Variants in MUC5B observed in about 807,000 individuals in gnomAD.
MUC5B encodes mucin-5B.
MUC5B carries 116 observed loss-of-function variants against 376.9 expected under a neutral mutation model. The observed-to-expected ratio is 0.31, with a 90% CI of 0.26 to 0.36. MUC5B has a LOEUF of 0.36. Among genes scored for constraint, MUC5B ranks in the 10% least tolerant of loss-of-function variants. MUC5B has a pLI of 1.00. For synonymous variants in MUC5B, 3,517 were observed against 3,390.9 expected, an observed-to-expected ratio of 1.04 and a Z score of -1.29; for missense variants, 7,165 against 7,769.9, an observed-to-expected ratio of 0.92 and a Z score of 2.93.
rs1224330883 is a variant in MUC5B, at chr11:1,257,315, A to C, written c.16269+44A>C. 4 of 790,366 alleles carry C rather than the reference A, an allele frequency of 5.1e-6. No homozygotes were observed. The South Asian group carries it at 5.4e-5, about 11-fold the overall frequency. The allele number at this position is 790,366 out of a possible 1,614,324, so 49.0% of individuals were successfully genotyped here. ...ACCTGCCCTACCCCACCCTCTCGCG[A>C]GCTGAGGGAGGGAGGGAAGGAGCAT... is the stretch of plus-strand genomic sequence containing the variant. On this transcript the variant is annotated intron_variant, in intron 40 of 48. Coordinates refer to ENST00000529681, the MANE Select transcript of MUC5B (RefSeq NM_002458.3). The surrounding 1 kb of genome is among the most constrained non-coding windows in gnomAD (Gnocchi z 8.9).
At position 1,253,149 on chromosome 11, in the gene MUC5B, G is replaced by T; in HGVS notation, c.15217+169G>T. ...AGTGGGGCATGGTGGGGCATGGTGG[G>T]GTGTGGTGGTGGTGTTTGGGAGATC... On this transcript the variant is annotated intron_variant, in intron 33 of 48. Coordinates refer to ENST00000529681, the MANE Select transcript of MUC5B (RefSeq NM_002458.3). This position sits in a 1 kb window ranked among gnomAD's most constrained non-coding sequence, Gnocchi z 4.3. 1 of 770,660 alleles carries T rather than the reference G, an allele frequency of 1.3e-6. No individual in the cohort carries two copies. Among genetic ancestry groups the T allele is most frequent in the Non-Finnish European group, 2.1e-6 (1 of 469,474 alleles). 47.7% of individuals were successfully genotyped at this position (770,660 alleles called of 1,614,324 possible).
chr11:1,257,134 T>C lies in MUC5B; in HGVS notation c.16238-106T>C, dbSNP rs1862858970. 1.3e-6 allele frequency: 1 copy of C among 752,660 alleles called. No homozygotes were observed. The highest frequency in any genetic ancestry group is 1.8e-5 in the Admixed American group (1 of 55,286). 46.6% of individuals were successfully genotyped at this position (752,660 alleles called of 1,614,324 possible). On this transcript the variant is annotated intron_variant, in intron 39 of 48. Transcript: ENST00000529681. The surrounding 1 kb of genome is among the most constrained non-coding windows in gnomAD (Gnocchi z 8.9). ...CCCAAAAGTTCTCCAGGGCCTTCCA[T>C]CCCGGGGGGAAGCAGGCTCCAGGCC...
chr11:1,257,847 C>G lies in MUC5B; in HGVS notation c.16450+137C>G, dbSNP rs371800081. ...CTGGCGTGACCGCGGCAGGACCACT[C>G]GGCAGAGATGGCCTCCAGGTGCTTC... is the stretch of plus-strand genomic sequence containing the variant. On this transcript the variant is annotated intron_variant, in intron 41 of 48. Transcript: ENST00000529681. The surrounding 1 kb of genome is among the most constrained non-coding windows in gnomAD (Gnocchi z 8.9). 8.9e-5 allele frequency: 99 copies of G among 1,107,408 alleles called. No homozygotes were observed. The African/African-American group carries it at 1.3e-3, about 14-fold the overall frequency. 68.6% of individuals were successfully genotyped at this position (1,107,408 alleles called of 1,614,324 possible).
intron 22 of MUC5B, 21 bp from the exon 23 acceptor site, chr11:1,235,282 G>T (rs1392134173): frequency 6.2e-7 from 1 of 1,610,716 alleles, no homozygotes; most frequent in Non-Finnish European, 8.5e-7. Flanking sequence ...GCGGCCAGCA[G>T]CTTGTCTCTT....
At chr11:1,235,024 G>C in intron 21 of MUC5B, 61 bp from the exon 22 acceptor site, 3 of 1,554,304 alleles carry the variant, frequency 1.9e-6, no homozygotes, top group Non-Finnish European at 2.6e-6. Context: ...CTGGGTGCCG[G>C]GTCTCAGGAA....
In MUC5B at chr11:1,246,335, C is replaced by A. The variant is rs758430361; in HGVS notation, c.9455C>A (p.Ala3152Asp). The change falls in exon 31 of 49, where the codon GCC becomes GAC. Residue 3152 changes from alanine (A) to aspartate (D), a missense_variant. Transcript: ENST00000529681. ...ACAACTGCAGCCACTGGCCCCACGG[C>A]CACCCCGTCCTCCACCCCAGGGACC... ...ATTTAATGPT[A>D]TPSSTPGTTW... The A allele has an allele frequency of 1.2e-6, 2 of 1,602,766 alleles. No homozygotes were observed.
rs1862132627 is a variant in MUC5B, at chr11:1,235,338, C to T, written c.2805C>T (p.Phe935=). ...YCGDNTTHGT[F]RIVTENIPCG... ...GGGACAACACCACCCACGGGACCTT[C>T]CGCATCGTCACCGAGAACATCCCCT... Residue 935 remains phenylalanine, a synonymous_variant, in exon 23 of 49, where the codon TTC becomes TTT. Transcript: ENST00000529681. 2.5e-6 allele frequency: 4 copies of T among 1,612,976 alleles called. No individual in the cohort carries two copies. The East Asian group carries it at 8.9e-5, about 36-fold the overall frequency.
Position 1,251,717 on chromosome 11 carries a change from G to A in MUC5B, c.14837G>A (p.Arg4946Lys). 6.2e-7 allele frequency: 1 copy of A among 1,608,768 alleles called. No individual in the cohort carries two copies. The highest frequency in any genetic ancestry group is 8.5e-7 in the Non-Finnish European group (1 of 1,177,112). ...SSHFSTPCFCRAFGQFFSPGE... is the reference protein window; with the variant it reads ...SSHFSTPCFCKAFGQFFSPGE... The stretch of plus-strand genomic sequence containing the variant: ...CACTTCTCTACTCCCTGCTTCTGCA[G>A]GGCATTTGGACAGTTTTTCTCGCCC... The change falls in exon 31 of 49, where the codon AGG (arginine) becomes AAG (lysine). Residue 4946 changes from arginine (R) to lysine (K), a missense_variant. Arg to Lys is a conservative substitution (Grantham distance 26). Transcript: ENST00000529681.
In MUC5B at chr11:1,242,573, C is replaced by G; in HGVS notation, c.5693C>G (p.Ser1898Cys). The G allele has an allele frequency of 6.2e-7, 1 of 1,613,832 alleles. No homozygotes were observed. The highest frequency in any genetic ancestry group is 8.5e-7 in the Non-Finnish European group (1 of 1,179,818). Residue 1898 changes from serine to cysteine, a missense_variant, in exon 31 of 49, where the codon TCC (serine) becomes TGC (cysteine). This residue lies in a region of MUC5B where 897 missense variants were observed against 779.6 expected (regional missense o/e 1.15). Transcript: ENST00000529681. ...TPATSSTATP[S>C]STPGTTWILT... ...GCCACCAGCTCCACGGCCACGCCCT[C>G]CTCAACTCCGGGGACGACCTGGATC...
intron 6 of MUC5B, 57 bp from the exon 7 acceptor site, chr11:1,227,618 A>G (rs1861917890): frequency 5.7e-6 from 4 of 701,618 alleles, no homozygotes; most frequent in South Asian, 1.5e-5. Context: ...GTGGGAGCCC[A>G]TATCTTGTCC....
chr11:1,251,938 T>C (rs1344999069), intron 31 of MUC5B, among the ~76,000 whole-genome samples, 195 bp downstream of exon 31: 1 of 151,792 alleles, frequency 6.6e-6, no homozygotes. Flanking sequence ...CCGTCCGCAC[T>C]GGCCACAATC....
At position 1,253,092 on chromosome 11, in the gene MUC5B, AT is replaced by A; in HGVS notation, c.15217+113del. 1.2e-5 allele frequency: 4 copies of A among 334,346 alleles called. No individual in the cohort carries two copies. The highest frequency in any genetic ancestry group is 1.7e-5 in the Non-Finnish European group (3 of 178,772). 20.7% of individuals were successfully genotyped at this position (334,346 alleles called of 1,614,324 possible). ...GGGGCACAGTGGGGTGCAGTGGGGA[AT>A]GGTGGGGCATGGTGGGGCATGGTGG... On this transcript the variant is annotated intron_variant, in intron 33 of 48. Transcript: ENST00000529681. The surrounding 1 kb of genome is among the most constrained non-coding windows in gnomAD (Gnocchi z 4.3).
rs201887607 is a variant in MUC5B at position 1,247,919 on chromosome 11, C to T, written c.11039C>T (p.Thr3680Met). 270 of 1,611,914 alleles carry T rather than the reference C, an allele frequency of 1.7e-4. 5 individuals carry two copies. Among genetic ancestry groups the T allele is most frequent in the African/African-American group, 1.6e-3 (118 of 74,844 alleles). ...CCCAGCACCCCGGCCACCAGCTCTACGGCCACGCCCTCCTCAACTCCGGGG... is the reference window on the plus strand; with the variant it reads ...CCCAGCACCCCGGCCACCAGCTCTATGGCCACGCCCTCCTCAACTCCGGGG... ...HCPSTPATSSTATPSSTPGTT... is the reference protein window; with the variant it reads ...HCPSTPATSSMATPSSTPGTT... The change falls in exon 31 of 49, where the codon ACG becomes ATG. Residue 3680 changes from threonine to methionine, a missense_variant. This residue lies in a region of MUC5B where 90 missense variants were observed against 71.1 expected (regional missense o/e 1.27). Coordinates refer to ENST00000529681, the MANE Select transcript of MUC5B (RefSeq NM_002458.3).
Position 1,259,618 on chromosome 11 carries a change from A to T in MUC5B, c.16714-138A>T. The T allele has an allele frequency of 2.5e-6, 2 of 792,144 alleles. 1 individual carries two copies. The highest frequency in any genetic ancestry group is 3.4e-5 in the South Asian group (2 of 58,664). 49.1% of individuals were successfully genotyped at this position (792,144 alleles called of 1,614,324 possible). ...TGAGCCGGGATAACTGAGTGGGGGC[A>T]ACTTCTTCGGGTATAGGCCCAGGCA... On this transcript the variant is annotated intron_variant, in intron 44 of 48. Coordinates refer to ENST00000529681, the MANE Select transcript of MUC5B (RefSeq NM_002458.3).
At position 1,250,928 on chromosome 11, in the gene MUC5B, C is replaced by T. The variant is rs773544435; in HGVS notation, c.14048C>T (p.Thr4683Met). 58 of 1,600,176 alleles carry T rather than the reference C, an allele frequency of 3.6e-5. No individual in the cohort carries two copies. Among genetic ancestry groups the T allele is most frequent in the East Asian group, 6.8e-5 (3 of 44,054 alleles). ...TSGTPPSLTTTATTITATGST... is the reference protein window; with the variant it reads ...TSGTPPSLTTMATTITATGST... Reference sequence around the variant, plus strand: ...GGTACTCCCCCATCACTGACCACCACGGCCACTACGATCACGGCCACCGGC... The same window carrying T: ...GGTACTCCCCCATCACTGACCACCATGGCCACTACGATCACGGCCACCGGC... The change falls in exon 31 of 49, where the codon ACG becomes ATG. Residue 4683 changes from threonine (T) to methionine (M), a missense_variant. By Grantham distance (81) the Thr-to-Met change is moderately conservative (BLOSUM62 -1). Coordinates refer to ENST00000529681, the MANE Select transcript of MUC5B (RefSeq NM_002458.3).
chr11:1,246,493 G>A lies in MUC5B; in HGVS notation c.9613G>A (p.Val3205Ile), dbSNP rs762567332. The A allele has an allele frequency of 6.8e-6, 11 of 1,612,980 alleles. No individual in the cohort carries two copies. In the African/African-American group the frequency reaches 1.2e-4, roughly 18 times the overall value. Reference sequence around the variant, plus strand: ...GACCAGCACGGCCACCACACCCACAGTCATCAGCTCCAGAGCCACTCCCTC... The same window carrying A: ...GACCAGCACGGCCACCACACCCACAATCATCAGCTCCAGAGCCACTCCCTC... Reference protein sequence around the residue: ...VLTSTATTPTVISSRATPSSS... With the variant: ...VLTSTATTPTIISSRATPSSS... Residue 3205 changes from valine to isoleucine, a missense_variant, in exon 31 of 49, where the codon GTC (valine) becomes ATC (isoleucine). Around this residue, in one of 31 missense-constraint regions of MUC5B, gnomAD observed 939 missense variants for 770.6 expected, o/e 1.22. Transcript: ENST00000529681.
intron 1 of MUC5B, chr11:1,223,459 C>A: frequency 1.7e-6 from 1 of 575,460 alleles, no homozygotes; most frequent in Non-Finnish European, 3.2e-6. Context: ...CCTGGGAGAC[C>A]ACCGAAAGGG....
At chr11:1,232,229 G>A in intron 15 of MUC5B, 69 bp downstream of exon 15, 3 of 1,489,052 alleles carry the variant, frequency 2.0e-6, no homozygotes, top group Non-Finnish European at 2.7e-6. Context: ...CTGTCCCCTG[G>A]GCCACGGGGA....
chr11:1,244,175 C>A lies in MUC5B; in HGVS notation c.7295C>A (p.Thr2432Lys). The change falls in exon 31 of 49, where the codon ACG becomes AAG. Residue 2432 changes from threonine to lysine, a missense_variant. Thr to Lys is a moderately conservative substitution (Grantham distance 78). Transcript: ENST00000529681. ...STAMPSSTPG[T>K]TWILTELTTT... ...GCCATGCCCTCCTCCACTCCGGGGA[C>A]GACCTGGATCCTCACAGAGCTGACC... is the stretch of plus-strand genomic sequence containing the variant. 1 of 1,613,386 alleles carries A rather than the reference C, an allele frequency of 6.2e-7. No individual in the cohort carries two copies. Among genetic ancestry groups the A allele is most frequent in the Non-Finnish European group, 8.5e-7 (1 of 1,179,656 alleles).
Sources: allele counts gnomAD v4.1 joint callset (sites outside exome capture counted in the v4.1 genomes callset), GRCh38; gene constraint gnomAD v4.1.1; regional missense constraint gnomAD v4.1.1; non-coding constraint Gnocchi (gnomAD v3.1); transcripts MANE v1.5; gene names NCBI Gene and HGNC (gene_info 2026-07-23, HGNC 2026-07-21).